Variants in RAD18 observed in about 807,000 individuals in gnomAD.
The protein encoded by RAD18 is E3 ubiquitin-protein ligase RAD18.
Under a neutral mutation model 60.4 loss-of-function variants are expected in RAD18, and 47 were observed. The ratio of observed to expected loss-of-function variants is 0.78; its 90% CI spans 0.62 to 0.99. The LOEUF (loss-of-function observed/expected upper bound fraction) is 0.99. Among genes scored for constraint, RAD18 ranks in the 50% least tolerant of loss-of-function variants. RAD18 has a pLI of 0.00. For missense variants in RAD18, 640 were observed against 593.3 expected (o/e 1.08, Z -0.82); for synonymous variants, 225 against 195.5 (o/e 1.15, Z -1.26).
intron 12 of RAD18, among the ~76,000 whole-genome samples, chr3:8,885,918 C>G (rs962311830): frequency 3.9e-5 from 6 of 152,198 alleles, no homozygotes; most frequent in Non-Finnish European, 7.3e-5. Flanking sequence ...CTAGCCAGAA[C>G]CAGTCCATGG....
intron 7 of RAD18, among the ~76,000 whole-genome samples, chr3:8,917,794 G>T (rs951010201): frequency 6.6e-6 from 1 of 152,060 alleles, no homozygotes; most frequent in Non-Finnish European, 1.5e-5. Context: ...TTACATTAAA[G>T]AAAGGGTTTT....
At chr3:8,906,738 T>A (rs557621471) in intron 9 of RAD18, among the ~76,000 whole-genome samples, 1 of 152,106 alleles carries the variant, frequency 6.6e-6, no homozygotes, top group African/African-American at 2.4e-5. Context: ...TAGTCTCTGT[T>A]ATTCCATCTG....
At chr3:8,954,197 C>A (rs1234275279) in intron 2 of RAD18, among the ~76,000 whole-genome samples, 2 of 152,116 alleles carry the variant, frequency 1.3e-5, no homozygotes, top group African/African-American at 4.8e-5. Flanking sequence ...AGATGCCAAC[C>A]TTTTCAGCTT....
intron 2 of RAD18, among the ~76,000 whole-genome samples, chr3:8,950,571 C>G (rs1422158382): frequency 6.6e-6 from 1 of 152,216 alleles, no homozygotes; most frequent in Non-Finnish European, 1.5e-5. Flanking sequence ...TGTGTCCCCT[C>G]TGCCCATACC....
chr3:8,922,859 AC>A (rs1559779502), intron 7 of RAD18, among the ~76,000 whole-genome samples: 2 of 152,196 alleles, frequency 1.3e-5, no homozygotes, highest in African/African-American at 4.8e-5. Flanking sequence ...GAGGGTCCTG[AC>A]TGTTAGAAGG....
intron 12 of RAD18, chr3:8,890,075 C>T (rs1939657965): frequency 2.9e-6 from 1 of 341,056 alleles, no homozygotes; most frequent in Non-Finnish European, 5.6e-6. Context: ...CTGATGTTCC[C>T]ACAACAATGA....
chr3:8,927,422 G>A (rs1454146835), intron 7 of RAD18, among the ~76,000 whole-genome samples: 1 of 152,202 alleles, frequency 6.6e-6, no homozygotes, highest in Non-Finnish European at 1.5e-5. Context: ...AGGTGCTGGA[G>A]AGGATGTGGA....
intron 2 of RAD18, among the ~76,000 whole-genome samples, chr3:8,950,427 G>C (rs1173558111): frequency 1.3e-5 from 2 of 152,134 alleles, no homozygotes; most frequent in Non-Finnish European, 2.9e-5. Context: ...AGCTGACTCT[G>C]GAAAAAGGAA....
intron 9 of RAD18, 135 bp from the exon 10 acceptor site, chr3:8,902,655 C>A: frequency 1.2e-6 from 1 of 837,492 alleles, no homozygotes; most frequent in Non-Finnish European, 1.7e-6. Context: ...ACTTCAGGAG[C>A]CTGAAGTGAA....
chr3:8,899,070 G>A, intron 10 of RAD18, 23 bp from the exon 11 acceptor site: 2 of 1,546,276 alleles, frequency 1.3e-6, no homozygotes, highest in Non-Finnish European at 1.8e-6. Flanking sequence ...AAATTTAAGA[G>A]TACCTTAAAA....
In RAD18 at chr3:8,963,368, C is replaced by T. The variant is rs1183678129; in HGVS notation, c.18G>A (p.Glu6=). The part of the protein sequence containing the change: MDSLA[E]SRWPPGLAVM... ...CTGCCAGGCCCGGAGGCCACCGAGACTCGGCCAGGGAGTCCATGGTCGCTC... is the reference window on the plus strand; with the variant it reads ...CTGCCAGGCCCGGAGGCCACCGAGATTCGGCCAGGGAGTCCATGGTCGCTC... The change falls in exon 1 of 13, where the codon GAG becomes GAA. Residue 6 remains glutamate (E), a synonymous_variant. Coordinates refer to ENST00000264926, the MANE Select transcript of RAD18 (RefSeq NM_020165.4). 1 of 1,611,610 alleles carries T rather than the reference C, an allele frequency of 6.2e-7. No homozygotes were observed. The highest frequency in any genetic ancestry group is 2.2e-5 in the East Asian group (1 of 44,512).
intron 10 of RAD18, among the ~76,000 whole-genome samples, chr3:8,901,506 G>A (rs1457588488): frequency 6.6e-6 from 1 of 151,990 alleles, no homozygotes; most frequent in African/African-American, 2.4e-5. Context: ...CAACATTGAA[G>A]GACTCTGAAA....
rs573633691 is a variant in RAD18 at position 8,905,622 on chromosome 3, G to A, written c.1028-3102C>T. ...CAGCTAAATGTGGATGAAGAACAGA[G>A]TTTAACAGTTATGGCTAATGTTCAC... On this transcript the variant is annotated intron_variant, in intron 9 of 12. Transcript: ENST00000264926. Among the ~76,000 whole-genome samples, 145 of 152,306 alleles carry A rather than the reference G, an allele frequency of 9.5e-4. 1 individual carries two copies. Among genetic ancestry groups the A allele is most frequent in the African/African-American group, 3.4e-3 (142 of 41,564 alleles).
At chr3:8,891,815 C>T (rs548675945) in intron 11 of RAD18, among the ~76,000 whole-genome samples, 4 of 152,208 alleles carry the variant, frequency 2.6e-5, no homozygotes, top group Non-Finnish European at 5.9e-5. Flanking sequence ...ATTCTAGTCA[C>T]CACTGAAAAA....
intron 7 of RAD18, among the ~76,000 whole-genome samples, chr3:8,925,041 G>A (rs1472950509): frequency 2.0e-5 from 3 of 150,238 alleles, no homozygotes; most frequent in Non-Finnish European, 4.4e-5. Context: ...GCTAGCAGAA[G>A]GCAAGAAATA....
intron 7 of RAD18, among the ~76,000 whole-genome samples, chr3:8,921,329 T>C (rs1465395046): frequency 6.6e-6 from 1 of 152,126 alleles, no homozygotes; most frequent in Non-Finnish European, 1.5e-5. Flanking sequence ...GCTGAGAGAA[T>C]CTGTCTCAAC....
In RAD18 at chr3:8,877,106, AT is replaced by A. The variant is rs1256427372; in HGVS notation, c.*4250del. The stretch of plus-strand genomic sequence containing the variant: ...CCATAACTTTATTCTAATATTTTGT[AT>A]TTTGGAATCAAAGGAGTCAGAAGAT... On this transcript the variant is annotated 3_prime_UTR_variant, in exon 13 of 13. Transcript: ENST00000264926. 1.3e-5 allele frequency: 2 copies of A among 152,310 alleles called. No homozygotes were observed. Among genetic ancestry groups the A allele is most frequent in the East Asian group, 3.9e-4 (2 of 5,184 alleles). 9.4% of individuals were successfully genotyped at this position (152,310 alleles called of 1,614,324 possible). A position where few individuals can be genotyped will look rare whatever the true frequency, so the allele number is the denominator to read the frequency against.
At chr3:8,914,487 T>C (rs766492497) in intron 7 of RAD18, among the ~76,000 whole-genome samples, 32 of 152,216 alleles carry the variant, frequency 2.1e-4, no homozygotes, top group South Asian at 4.1e-4. Context: ...AGTAGGCATA[T>C]GGGGAAATCA....
intron 7 of RAD18, among the ~76,000 whole-genome samples, chr3:8,925,025 T>A (rs1300852956): frequency 6.6e-6 from 1 of 151,666 alleles, no homozygotes; most frequent in Non-Finnish European, 1.5e-5. Context: ...GCAAACACAT[T>A]CAAAAGCTAG....
Sources: allele counts gnomAD v4.1 joint callset (sites outside exome capture counted in the v4.1 genomes callset), GRCh38; gene constraint gnomAD v4.1.1; transcripts MANE v1.5; gene names NCBI Gene and HGNC (gene_info 2026-07-23, HGNC 2026-07-21).